SLC6A20: variants seen among roughly 807,000 people sequenced by gnomAD.
SLC6A20 encodes solute carrier family 6 member 20.
SLC6A20 carries 73 observed loss-of-function variants against 64.3 expected under a neutral mutation model. That is an observed-to-expected ratio of 1.14 (90% confidence interval 0.94 to 1.38). The LOEUF is 1.38. Among genes scored for constraint, SLC6A20 ranks in the 40% most tolerant of loss-of-function variants. SLC6A20 has a pLI of 0.00. For missense variants in SLC6A20, 725 were observed against 772.8 expected, an observed-to-expected ratio of 0.94 and a Z score of 0.73; for synonymous variants, 347 against 329.6, an observed-to-expected ratio of 1.05 and a Z score of -0.57.
chr3:45,776,098 T>C (rs2125646934), intron 3 of SLC6A20, 110 bp from the exon 4 acceptor site: 1 of 1,071,916 alleles, frequency 9.3e-7, no homozygotes, highest in East Asian at 2.4e-5. Flanking sequence ...AGAAGGGTGC[T>C]GGTCCCCGAA....
rs200411161 is a variant in SLC6A20, at chr3:45,759,890, C to A, written c.1596G>T (p.Gly532=). The part of the protein sequence containing the change: ...VFYLSDYILT[G]TLKYQAWDAS... ...CGTCCCAGGCTTGATACTTCAGGGT[C>A]CCCGTGAGGATGTAGTCGCTCAGGT... Residue 532 remains glycine (G), a synonymous_variant, in exon 10 of 11, where the codon GGG becomes GGT. Coordinates refer to ENST00000358525, the MANE Select transcript of SLC6A20 (RefSeq NM_020208.4). 1.2e-6 allele frequency: 2 copies of A among 1,614,070 alleles called. No individual in the cohort carries two copies. The highest frequency in any genetic ancestry group is 2.2e-5 in the East Asian group (1 of 44,878).
chr3:45,768,907 C>T (rs1402803932), intron 7 of SLC6A20, among the ~76,000 whole-genome samples: 1 of 152,108 alleles, frequency 6.6e-6, no homozygotes, highest in African/African-American at 2.4e-5. Flanking sequence ...TGCTAGAAGT[C>T]CTAGTGAATA....
intron 1 of SLC6A20, among the ~76,000 whole-genome samples, chr3:45,789,199 A>G (rs1700210663): frequency 6.6e-6 from 1 of 152,198 alleles, no homozygotes; most frequent in Non-Finnish European, 1.5e-5. Flanking sequence ...AAATAAGTAT[A>G]CTTTCCCCTC....
chr3:45,791,828 A>C (rs1184430025), intron 1 of SLC6A20: 1 of 152,210 alleles, frequency 6.6e-6, no homozygotes, highest in African/African-American at 2.4e-5. Flanking sequence ...ACCAAAGGGG[A>C]AATTTACCTC....
chr3:45,785,947 A>G (rs1327332188), intron 1 of SLC6A20, among the ~76,000 whole-genome samples: 1 of 152,110 alleles, frequency 6.6e-6, no homozygotes, highest in East Asian at 1.9e-4. Flanking sequence ...CAGGCTCCAG[A>G]GGATGAGAGG....
intron 1 of SLC6A20, chr3:45,790,216 C>CAACAAAAACA (rs1357151825): frequency 6.6e-6 from 1 of 151,954 alleles, no homozygotes; most frequent in African/African-American, 2.4e-5. Context: ...AAAACAACAA[C>CAACAAAAACA]AACAAAAACA....
In SLC6A20 at chr3:45,770,207, A is replaced by G. The variant is rs1275324148; in HGVS notation, c.1098+2T>C. The G allele has an allele frequency of 2.5e-5, 40 of 1,613,996 alleles. No individual in the cohort carries two copies. The highest frequency in any genetic ancestry group is 3.3e-5 in the Non-Finnish European group (39 of 1,180,010). On this transcript the variant is annotated splice_donor_variant, in intron 7 of 10. Coordinates refer to ENST00000358525, the MANE Select transcript of SLC6A20 (RefSeq NM_020208.4). LOFTEE classifies it high-confidence loss of function. The stretch of plus-strand genomic sequence containing the variant: ...GTCCTTGACCTTGCCTGGGCATCTT[A>G]CCGTGTCTAGCTCCGATTCCAAGCT...
At chr3:45,790,942 C>T (rs1443496047) in intron 1 of SLC6A20, among the ~76,000 whole-genome samples, 2 of 152,214 alleles carry the variant, frequency 1.3e-5, no homozygotes, top group East Asian at 1.9e-4. Context: ...GTGCCTTTTG[C>T]ATACAGTTTC....
Position 45,763,193 on chromosome 3 carries a change from A to G in SLC6A20, c.1304-121T>C, listed in dbSNP as rs1443094127. The G allele has an allele frequency of 1.6e-5, 23 of 1,414,734 alleles. No homozygotes were observed. The East Asian group carries it at 2.1e-4, about 13-fold the overall frequency. 87.6% of individuals were successfully genotyped at this position (1,414,734 alleles called of 1,614,324 possible). A position where few individuals can be genotyped will look rare whatever the true frequency, so the allele number is the denominator to read the frequency against. On this transcript the variant is annotated intron_variant, in intron 8 of 10. Transcript: ENST00000358525. Reference sequence around the variant, plus strand: ...AATTTTGGCTGATTGCTTCATCCACATGGGTTGAAAGAGCTGTCATGGTTT... The same window carrying G: ...AATTTTGGCTGATTGCTTCATCCACGTGGGTTGAAAGAGCTGTCATGGTTT...
rs573100083 is a variant in SLC6A20 at position 45,759,198 on chromosome 3, G to A, written c.1630-71C>T. The A allele has an allele frequency of 2.9e-5, 43 of 1,473,136 alleles. No individual in the cohort carries two copies. The East Asian group carries it at 7.0e-4, about 24-fold the overall frequency. The allele number at this position is 1,473,136 out of a possible 1,614,324, so 91.3% of individuals were successfully genotyped here. A position where few individuals can be genotyped will look rare whatever the true frequency, so the allele number is the denominator to read the frequency against. ...TGCCCCTGGGCCTCAGGGCCCATCC[G>A]TGATGGGGAGGTGATGTGACGTGGG... On this transcript the variant is annotated intron_variant, in intron 10 of 10. Coordinates refer to ENST00000358525, the MANE Select transcript of SLC6A20 (RefSeq NM_020208.4).
intron 7 of SLC6A20, among the ~76,000 whole-genome samples, chr3:45,766,474 G>C (rs1699779329): frequency 6.6e-6 from 1 of 152,190 alleles, no homozygotes; most frequent in African/African-American, 2.4e-5. Flanking sequence ...GAACTAGCAA[G>C]ATAAGAAATC....
At position 45,782,099 on chromosome 3, in the gene SLC6A20, C is replaced by G; in HGVS notation, c.246G>C (p.Pro82=). 1 of 1,611,274 alleles carries G rather than the reference C, an allele frequency of 6.2e-7. No individual in the cohort carries two copies. The highest frequency in any genetic ancestry group is 8.5e-7 in the Non-Finnish European group (1 of 1,178,726). ...GSIGAWRTIS[P]YLSGVGVASV... is the part of the protein sequence containing the mutation. ...CCCACGTACCGACACCACTGAGGTA[C>G]GGGCTGATGGTCCTCCAGGCGCCGA... The change falls in exon 2 of 11, where the codon CCG becomes CCC. Residue 82 remains proline (P), a synonymous_variant. Coordinates refer to ENST00000358525, the MANE Select transcript of SLC6A20 (RefSeq NM_020208.4).
chr3:45,774,811 C>T (rs1699936579), intron 4 of SLC6A20, among the ~76,000 whole-genome samples: 1 of 152,172 alleles, frequency 6.6e-6, no homozygotes, highest in South Asian at 2.1e-4. Flanking sequence ...GGCTACCAAA[C>T]CAAGACAATG....
chr3:45,781,818 G>A (rs1447492474), intron 2 of SLC6A20, among the ~76,000 whole-genome samples: 1 of 152,138 alleles, frequency 6.6e-6, no homozygotes, highest in Non-Finnish European at 1.5e-5. Context: ...CCAAGCTGAG[G>A]TCCAGAGAAG....
chr3:45,795,364 C>T (rs894630093), intron 1 of SLC6A20, among the ~76,000 whole-genome samples: 3 of 151,986 alleles, frequency 2.0e-5, no homozygotes, highest in African/African-American at 2.4e-5. Context: ...TTAAAGGCTG[C>T]GAAGAGCAAC....
Position 45,771,373 on chromosome 3 carries a change from A to C in SLC6A20, c.779T>G (p.Ile260Ser). The stretch of plus-strand genomic sequence containing the variant: ...TGGCTCATTGTAGCTGGCGAAGGCG[A>C]TCAGGCTGCCGAAGCCCAGGCCAAG... Reference protein sequence around the residue: ...FSLGLGFGSLIAFASYNEPSN... With the variant: ...FSLGLGFGSLSAFASYNEPSN... The change falls in exon 6 of 11, where the codon ATC becomes AGC. Residue 260 changes from isoleucine to serine, a missense_variant. Ile to Ser is a moderately radical substitution (Grantham distance 142). Transcript: ENST00000358525. 6.2e-7 allele frequency: 1 copy of C among 1,614,222 alleles called. No homozygotes were observed. Among genetic ancestry groups the C allele is most frequent in the East Asian group, 2.2e-5 (1 of 44,882 alleles).
At chr3:45,786,493 G>A (rs1157481175) in intron 1 of SLC6A20, among the ~76,000 whole-genome samples, 3 of 152,210 alleles carry the variant, frequency 2.0e-5, no homozygotes, top group African/African-American at 7.2e-5. Context: ...AAACACTAAA[G>A]TTATCCTGTG....
chr3:45,783,826 A>G (rs1700134591), intron 1 of SLC6A20, among the ~76,000 whole-genome samples: 1 of 152,220 alleles, frequency 6.6e-6, no homozygotes, highest in Admixed American at 6.5e-5. Context: ...ATGTCCAGAC[A>G]CTGCTATAAC....
At position 45,771,533 on chromosome 3, in the gene SLC6A20, A is replaced by G. The variant is rs758387; in HGVS notation, c.694-75T>C. ...ATGCTCAGACCCGCAACAGGAGAGT[A>G]GCCCAGAGAGGGGAAGGAGCTCACC... On this transcript the variant is annotated intron_variant, in intron 5 of 10. Transcript: ENST00000358525. The G allele has an allele frequency of 0.61, 970,566 of 1,588,960 alleles. 306,828 individuals are homozygous for G. Among genetic ancestry groups the G allele is most frequent in the Non-Finnish European group, 0.66 (767,045 of 1,166,052 alleles).
Sources: allele counts gnomAD v4.1 joint callset (sites outside exome capture counted in the v4.1 genomes callset), GRCh38; gene constraint gnomAD v4.1.1; transcripts MANE v1.5; gene names NCBI Gene and HGNC (gene_info 2026-07-23, HGNC 2026-07-21).